The following NDUFAB1 variants were observed in gnomAD, a reference collection of about 807,000 sequenced individuals.
NDUFAB1 encodes NADH:ubiquinone oxidoreductase subunit AB1.
Under a neutral mutation model 16.1 loss-of-function variants are expected in NDUFAB1, and 5 were observed. The ratio of observed to expected loss-of-function variants is 0.31; its 90% confidence interval spans 0.16 to 0.65. The LOEUF (loss-of-function observed/expected upper bound fraction) is 0.65. Among genes scored for constraint, NDUFAB1 ranks in the 30% least tolerant of loss-of-function variants. The probability of loss-of-function intolerance (pLI) is 0.77; values close to 1 mark genes in which losing one functional copy is unlikely to be tolerated. For synonymous variants in NDUFAB1, 85 were observed against 78.4 expected (o/e 1.08, Z -0.44); for missense variants, 187 against 205.3 (o/e 0.91, Z 0.54).
chr16:23,587,285 T>C lies in NDUFAB1; in HGVS notation c.203A>G (p.Tyr68Cys). The C allele has an allele frequency of 6.2e-7, 1 of 1,614,086 alleles. No homozygotes were observed. The highest frequency in any genetic ancestry group is 8.5e-7 in the Non-Finnish European group (1 of 1,179,942). The change falls in exon 2 of 5, where the codon TAT becomes TGT. Residue 68 changes from tyrosine to cysteine, a missense_variant. This residue lies in a region of NDUFAB1 where 135 missense variants were observed against 129.4 expected (regional missense o/e 1.04). Coordinates refer to ENST00000007516, the MANE Select transcript of NDUFAB1 (RefSeq NM_005003.3). ...PGRVTQLCRQ[Y>C]SDMPPLTLEG... ...TAACGTCAAAGGAGGCATGTCGCTA[T>C]ACTGGCGGCACAACTGTGTAACTCT...
intron 1 of NDUFAB1, 110 bp downstream of exon 1, chr16:23,596,013 C>G (rs1403086869): frequency 7.5e-7 from 1 of 1,337,630 alleles, no homozygotes; most frequent in African/African-American, 1.5e-5. Flanking sequence ...GCCGGCTGCC[C>G]CCCGGGTCAC....
intron 3 of NDUFAB1, among the ~76,000 whole-genome samples, chr16:23,584,282 A>C (rs1966214423): frequency 6.9e-6 from 1 of 144,422 alleles, no homozygotes; most frequent in African/African-American, 2.6e-5. Flanking sequence ...AAAGAAACCC[A>C]GTGCCCGTCA....
At chr16:23,596,066 C>A in intron 1 of NDUFAB1, 57 bp downstream of exon 1, 1 of 1,550,140 alleles carries the variant, frequency 6.5e-7, no homozygotes, top group Non-Finnish European at 8.7e-7. Flanking sequence ...GGCCCCCACC[C>A]CCACCGGGCC....
At chr16:23,587,953 CT>C (rs1239504246) in intron 1 of NDUFAB1, among the ~76,000 whole-genome samples, 1 of 152,244 alleles carries the variant, frequency 6.6e-6, no homozygotes, top group Admixed American at 6.5e-5. Flanking sequence ...ACCATGAGCC[CT>C]TCTGGCCTGT....
intron 3 of NDUFAB1, among the ~76,000 whole-genome samples, chr16:23,584,271 A>AAAAAAAAAAAAG (rs1567407414): frequency 7.2e-6 from 1 of 138,220 alleles, no homozygotes; most frequent in East Asian, 2.1e-4. Flanking sequence ...AAAAAAAAAA[A>AAAAAAAAAAAAG]AAAGAAACCC....
rs56827728 is a variant in NDUFAB1, at chr16:23,582,565, A to ATGTTTGTTTGTT, written c.380-202_380-191dup. On this transcript the variant is annotated intron_variant, in intron 3 of 4. Coordinates refer to ENST00000007516, the MANE Select transcript of NDUFAB1 (RefSeq NM_005003.3). ...AGGTTGGGTACGATGCTTTGGAGGT[A>ATGTTTGTTTGTT]TGTTTGTTTGTTTGTTTGTTTGTTT... Among the ~76,000 whole-genome samples the ATGTTTGTTTGTT allele has an allele frequency of 2.5e-3, 380 of 151,574 alleles. 1 individual carries two copies. The highest frequency in any genetic ancestry group is 4.7e-3 in the African/African-American group (194 of 41,228).
In NDUFAB1 at chr16:23,596,183, G is replaced by C. The variant is rs466719; in HGVS notation, c.108C>G (p.Leu36=). ...GCCTCGTCTGGGTCCCCGCGGAGCA[G>C]AGAGCGGTGCTGAGAGGCCGGGCCA... ...LAVARPLSTA[L]CSAGTQTRLG... The change falls in exon 1 of 5, where the codon CTC becomes CTG. Residue 36 remains leucine, a synonymous_variant. Coordinates refer to ENST00000007516, the MANE Select transcript of NDUFAB1 (RefSeq NM_005003.3). The C allele has an allele frequency of 0.082, 131,923 of 1,610,830 alleles. 6,276 individuals are homozygous for C. Among genetic ancestry groups the C allele is most frequent in the East Asian group, 0.19 (8,399 of 44,624 alleles).
chr16:23,582,074 AGGAAT>A, intron 4 of NDUFAB1, 197 bp downstream of exon 4: 3 of 467,974 alleles, frequency 6.4e-6, no homozygotes, highest in Non-Finnish European at 1.1e-5. Flanking sequence ...AGTTCTATCC[AGGAAT>A]GACAGTTCTC....
rs142941963 is a variant in NDUFAB1 at position 23,595,765 on chromosome 16, C to G, written c.168+358G>C. On this transcript the variant is annotated intron_variant, in intron 1 of 4. Transcript: ENST00000007516. ...CGGTGACCGCTATTTTGAGACCGTA[C>G]GAGGTGCTCTAGCCGCATTAACTCA... 2,056 of 469,620 alleles carry G rather than the reference C, an allele frequency of 4.4e-3. 6 individuals carry two copies. Among genetic ancestry groups the G allele is most frequent in the Middle Eastern group, 8.4e-3 (16 of 1,912 alleles). 29.1% of individuals were successfully genotyped at this position (469,620 alleles called of 1,614,324 possible).
chr16:23,586,987 A>G (rs2142234578), intron 2 of NDUFAB1, among the ~76,000 whole-genome samples: 2 of 152,304 alleles, frequency 1.3e-5, no homozygotes, highest in East Asian at 3.9e-4. Context: ...ACATACATAT[A>G]ATATACACAC....
intron 3 of NDUFAB1, among the ~76,000 whole-genome samples, chr16:23,583,527 C>A (rs1233287287): frequency 6.9e-6 from 1 of 145,840 alleles, no homozygotes. Context: ...ATGTGAGGAG[C>A]GCCTCTGCCC....
chr16:23,594,246 G>T (rs2142239738), intron 1 of NDUFAB1, among the ~76,000 whole-genome samples: 1 of 152,162 alleles, frequency 6.6e-6, no homozygotes, highest in Admixed American at 6.5e-5. Context: ...AGTGCCCAAT[G>T]AATGAATCCA....
chr16:23,586,056 T>C (rs1159983439), intron 2 of NDUFAB1, among the ~76,000 whole-genome samples: 2 of 150,806 alleles, frequency 1.3e-5, no homozygotes, highest in Admixed American at 1.3e-4. Context: ...GACTCCCGAG[T>C]AGCTGGGATT....
intron 1 of NDUFAB1, among the ~76,000 whole-genome samples, chr16:23,593,405 A>G (rs1311819954): frequency 6.6e-6 from 1 of 152,244 alleles, no homozygotes; most frequent in Non-Finnish European, 1.5e-5. Context: ...AAAGCGTTCA[A>G]TGAAGATGTA....
intron 1 of NDUFAB1, among the ~76,000 whole-genome samples, chr16:23,594,033 A>G (rs1391165477): frequency 6.6e-6 from 1 of 151,852 alleles, no homozygotes; most frequent in African/African-American, 2.4e-5. Context: ...GGCGCCCGCC[A>G]CCACGCCCGG....
rs57098255 is a variant in NDUFAB1 at position 23,589,942 on chromosome 16, GAAAAAAAAAAAAAAAA to G, written c.169-2639_169-2624del. Among the ~76,000 whole-genome samples, 15 of 70,506 alleles carry G rather than the reference GAAAAAAAAAAAAAAAA, an allele frequency of 2.1e-4. No homozygotes were observed. The South Asian group carries it at 6.5e-3, about 31-fold the overall frequency. 46.3% of individuals were successfully genotyped at this position (70,506 alleles called of 152,430 possible). ...CAGGGTGAGACTCTGTCTCCAAAAAGAAAAAAAAAAAAAAAAAAAAAAAGAAATGGTACGATGCCAG... is the reference window on the plus strand; with the variant it reads ...CAGGGTGAGACTCTGTCTCCAAAAAGAAAAAAAGAAATGGTACGATGCCAG... On this transcript the variant is annotated intron_variant, in intron 1 of 4. Coordinates refer to ENST00000007516, the MANE Select transcript of NDUFAB1 (RefSeq NM_005003.3).
At chr16:23,584,721 A>C (rs765242252) in intron 3 of NDUFAB1, among the ~76,000 whole-genome samples, 1 of 152,220 alleles carries the variant, frequency 6.6e-6, no homozygotes. Flanking sequence ...CACTAGGCAA[A>C]GGGATTCCAT....
At chr16:23,583,177 C>T (rs1341396564) in intron 3 of NDUFAB1, among the ~76,000 whole-genome samples, 1 of 152,252 alleles carries the variant, frequency 6.6e-6, no homozygotes, top group Non-Finnish European at 1.5e-5. Flanking sequence ...CAACCTCCAC[C>T]TCCCAGCTGC....
At chr16:23,591,016 G>C (rs1966275303) in intron 1 of NDUFAB1, 1 of 152,042 alleles carries the variant, frequency 6.6e-6, no homozygotes, top group Non-Finnish European at 1.5e-5. Context: ...CAGTATTCTG[G>C]TGAGATCCAT....
Sources: gnomAD v4.1 joint callset for allele counts (sites outside exome capture counted in the v4.1 genomes callset) on GRCh38, gnomAD v4.1.1 for gene constraint, gnomAD v4.1.1 regional missense constraint, MANE v1.5 for transcripts, NCBI Gene and HGNC (gene_info 2026-07-23, HGNC 2026-07-21) for gene names.